The following ZNF69 variants were observed in gnomAD, a reference collection of about 807,000 sequenced individuals.
ZNF69 encodes the protein zinc finger protein 69, also known as ZNF3.
A neutral mutation model predicts 50.9 loss-of-function variants in ZNF69; 47 were observed. The observed-to-expected ratio is 0.92, with a 90% CI of 0.73 to 1.18. The LOEUF (loss-of-function observed/expected upper bound fraction) is 1.18, where lower values mean the gene tolerates loss of function less well. Ranked by LOEUF, ZNF69 falls within the 50% of genes most tolerant of loss-of-function variation. The probability of loss-of-function intolerance (pLI) is 0.00; values close to 1 mark genes in which losing one functional copy is unlikely to be tolerated. For missense variants in ZNF69, 717 were observed against 675.1 expected (o/e 1.06, Z -0.69); for synonymous variants, 216 against 223.1 (o/e 0.97, Z 0.29).
the ZNF69 span, among the ~76,000 whole-genome samples, chr19:11,969,082 T>A: frequency 6.6e-6 from 1 of 152,146 alleles, no homozygotes; most frequent in Non-Finnish European, 1.5e-5. Context: ...TCAGCTTAAA[T>A]TTTTGAATTA....
intron 1 of ZNF69, among the ~76,000 whole-genome samples, chr19:11,900,850 A>G (rs1364836474): frequency 6.6e-6 from 1 of 152,192 alleles, no homozygotes; most frequent in Non-Finnish European, 1.5e-5. Flanking sequence ...CGATTTTCTC[A>G]TTCACAGATC....
chr19:11,913,550 G>A (rs909788431), exon 5 of ZNF69: 88 of 381,328 alleles, frequency 2.3e-4, no homozygotes, highest in Middle Eastern at 2.1e-3. Flanking sequence ...CACCACGCCA[G>A]GCTAATTTTT....
the ZNF69 span, among the ~76,000 whole-genome samples, chr19:11,967,565 G>A: frequency 0.13 from 19,107 of 151,878 alleles, 2,212 homozygotes; most frequent in African/African-American, 0.31. Flanking sequence ...CACCACGCTC[G>A]GCTAATTTTT....
the ZNF69 span, chr19:11,949,058 A>G: frequency 4.4e-6 from 7 of 1,608,972 alleles, no homozygotes; most frequent in Non-Finnish European, 5.9e-6. Context: ...GGCTTATCCT[A>G]TCTTATAAGT....
the ZNF69 span, among the ~76,000 whole-genome samples, chr19:11,931,900 G>C: frequency 2.0e-5 from 3 of 148,122 alleles, no homozygotes; most frequent in African/African-American, 7.9e-5. Flanking sequence ...CAGATAGCCT[G>C]AGTTCAGGAG....
At chr19:11,945,123 TG>T in the ZNF69 span, among the ~76,000 whole-genome samples, 5 of 152,244 alleles carry the variant, frequency 3.3e-5, no homozygotes, top group African/African-American at 1.2e-4. Context: ...TAAAAGGCTT[TG>T]TTAGATTAGG....
chr19:11,907,549 C>A (rs949986273), downstream of ZNF69, among the ~76,000 whole-genome samples: 1 of 152,124 alleles, frequency 6.6e-6, no homozygotes, highest in South Asian at 2.1e-4. Context: ...AATTTTCAAC[C>A]CAGAATTTCA....
At chr19:11,915,890 C>T (rs747601557), downstream of ZNF69, among the ~76,000 whole-genome samples, 3 of 152,030 alleles carry the variant, frequency 2.0e-5, no homozygotes, top group Non-Finnish European at 4.4e-5. Flanking sequence ...GGTGACAGAG[C>T]GAGACTCTGT....
At chr19:11,893,926 G>T (rs1977158420) in intron 1 of ZNF69, among the ~76,000 whole-genome samples, 1 of 152,150 alleles carries the variant, frequency 6.6e-6, no homozygotes, top group Non-Finnish European at 1.5e-5. Context: ...CTGTCCTCTG[G>T]ATTGTCTCAA....
chr19:11,922,489 T>C, the ZNF69 span, among the ~76,000 whole-genome samples: 1 of 152,218 alleles, frequency 6.6e-6, no homozygotes, highest in Non-Finnish European at 1.5e-5. Context: ...ACAATGGGAT[T>C]CTAGGACACT....
At chr19:11,967,100 C>T in the ZNF69 span, among the ~76,000 whole-genome samples, 10 of 152,274 alleles carry the variant, frequency 6.6e-5, no homozygotes, top group East Asian at 1.2e-3. Flanking sequence ...TTTTCAAGGC[C>T]AAGGCGGGAG....
chr19:11,912,352 G>A (rs1972469964), intron 4 of ZNF69, among the ~76,000 whole-genome samples: 1 of 152,210 alleles, frequency 6.6e-6, no homozygotes, highest in South Asian at 2.1e-4. Context: ...ACACACAATG[G>A]AGAGAAACCC....
the ZNF69 span, among the ~76,000 whole-genome samples, chr19:11,953,651 A>G: frequency 1.3e-5 from 2 of 152,234 alleles, no homozygotes; most frequent in South Asian, 4.1e-4. Flanking sequence ...AAAACTCTTC[A>G]CAAAGTCAGT....
At chr19:11,949,203 G>A in the ZNF69 span, 1 of 1,612,380 alleles carries the variant, frequency 6.2e-7, no homozygotes, top group South Asian at 1.1e-5. Context: ...ATAAATGCAA[G>A]CAATGTGGTA....
At chr19:11,944,381 A>G in the ZNF69 span, among the ~76,000 whole-genome samples, 1,731 of 152,262 alleles carry the variant, frequency 0.011, 17 homozygotes, top group Admixed American at 0.018. Flanking sequence ...CACTTTCCCT[A>G]AACTATTTTT....
chr19:11,944,066 A>G, the ZNF69 span, among the ~76,000 whole-genome samples: 7 of 151,914 alleles, frequency 4.6e-5, no homozygotes, highest in Non-Finnish European at 1.0e-4. Flanking sequence ...AGGGGGCTAC[A>G]TTCCAGTCCT....
chr19:11,977,365 T>A, the ZNF69 span: 1 of 1,613,620 alleles, frequency 6.2e-7, no homozygotes, highest in Non-Finnish European at 8.5e-7. Flanking sequence ...TGTGTCTGTA[T>A]TTTAGGGAAA....
At chr19:11,968,256 A>AT in the ZNF69 span, among the ~76,000 whole-genome samples, 13 of 149,446 alleles carry the variant, frequency 8.7e-5, no homozygotes, top group South Asian at 2.1e-4. Flanking sequence ...CAATAATTTA[A>AT]TTTTTTTTTT....
chr19:11,950,498 T>A, the ZNF69 span: 2 of 630,656 alleles, frequency 3.2e-6, no homozygotes, highest in South Asian at 1.7e-5. Flanking sequence ...CCGTTTGATA[T>A]CATGAAAGGA....
Sources: allele counts gnomAD v4.1 joint callset (sites outside exome capture counted in the v4.1 genomes callset), GRCh38; gene constraint gnomAD v4.1.1; transcripts MANE v1.5; gene names NCBI Gene and HGNC (gene_info 2026-07-23, HGNC 2026-07-21).